The following RPS6KC1 variants were observed in gnomAD, a reference collection of about 807,000 sequenced individuals.
The protein encoded by RPS6KC1 is ribosomal protein S6 kinase C1, also known as inactive ribosomal protein S6 kinase delta-1.
A neutral mutation model predicts 103.8 loss-of-function variants in RPS6KC1; 54 were observed. That is an observed-to-expected ratio of 0.52 (90% CI 0.42 to 0.65). The LOEUF (loss-of-function observed/expected upper bound fraction) is 0.65. RPS6KC1 is among the 30% of genes least tolerant of loss of function. The pLI is 0.00. For missense variants in RPS6KC1, 1,151 were observed against 1,253.8 expected, an observed-to-expected ratio of 0.92 and a Z score of 1.24; for synonymous variants, 439 against 438.7, an observed-to-expected ratio of 1.00 and a Z score of -0.01.
At chr1:213,103,389 G>A (rs916773766) in intron 3 of RPS6KC1, among the ~76,000 whole-genome samples, 1 of 152,138 alleles carries the variant, frequency 6.6e-6, no homozygotes, top group African/African-American at 2.4e-5. Context: ...TATGTGCCTC[G>A]CATGAAACTG....
At chr1:213,862,328 A>G in the RPS6KC1 span, among the ~76,000 whole-genome samples, 1 of 152,174 alleles carries the variant, frequency 6.6e-6, no homozygotes, top group Non-Finnish European at 1.5e-5. Context: ...TTTACCAAGG[A>G]GACCTTCCTC....
chr1:213,533,767 C>T, the RPS6KC1 span, among the ~76,000 whole-genome samples: 1 of 152,338 alleles, frequency 6.6e-6, no homozygotes, highest in Non-Finnish European at 1.5e-5. Context: ...TCTGAAATTA[C>T]ATGTGGGGCT....
At chr1:213,563,690 G>C in the RPS6KC1 span, among the ~76,000 whole-genome samples, 10 of 151,930 alleles carry the variant, frequency 6.6e-5, no homozygotes, top group Admixed American at 5.9e-4. Context: ...ACATTTCCAG[G>C]GAGTACCAAT....
the RPS6KC1 span, among the ~76,000 whole-genome samples, chr1:213,673,197 C>T: frequency 6.6e-6 from 1 of 152,148 alleles, no homozygotes; most frequent in Non-Finnish European, 1.5e-5. Context: ...GTGAGATGTC[C>T]CACACTATTA....
the RPS6KC1 span, among the ~76,000 whole-genome samples, chr1:213,781,052 A>C: frequency 6.6e-6 from 1 of 152,126 alleles, no homozygotes; most frequent in African/African-American, 2.4e-5. Context: ...AAACAAACAA[A>C]AAATAATCTC....
chr1:213,094,369 C>T (rs2081266887), intron 3 of RPS6KC1, among the ~76,000 whole-genome samples: 1 of 151,736 alleles, frequency 6.6e-6, no homozygotes, highest in South Asian at 2.1e-4. Flanking sequence ...TGTAGTTGTC[C>T]TTGAAATGTC....
At chr1:213,435,854 C>T in the RPS6KC1 span, among the ~76,000 whole-genome samples, 3 of 152,174 alleles carry the variant, frequency 2.0e-5, no homozygotes, top group African/African-American at 7.2e-5. Flanking sequence ...CCCCAGCCCC[C>T]ACCCCTGTAC....
chr1:213,205,921 A>G (rs1001631455), intron 8 of RPS6KC1, among the ~76,000 whole-genome samples: 1 of 152,130 alleles, frequency 6.6e-6, no homozygotes, highest in African/African-American at 2.4e-5. Context: ...AAATCCAAAA[A>G]TCCCAAATCT....
chr1:213,674,159 C>T, the RPS6KC1 span, among the ~76,000 whole-genome samples: 1 of 152,178 alleles, frequency 6.6e-6, no homozygotes. Context: ...GCTGGGACTA[C>T]AGGTACATGC....
At chr1:213,579,496 C>T in the RPS6KC1 span, among the ~76,000 whole-genome samples, 2 of 152,052 alleles carry the variant, frequency 1.3e-5, no homozygotes, top group African/African-American at 4.8e-5. Flanking sequence ...GCAAGTTATC[C>T]AGAAGATCTA....
the RPS6KC1 span, among the ~76,000 whole-genome samples, chr1:213,696,178 C>G: frequency 0.027 from 4,176 of 152,236 alleles, 258 homozygotes; most frequent in East Asian, 0.16. Context: ...GTCTGCCTTC[C>G]TTGATTACTG....
At chr1:213,751,717 T>C in the RPS6KC1 span, among the ~76,000 whole-genome samples, 3 of 152,162 alleles carry the variant, frequency 2.0e-5, no homozygotes, top group Non-Finnish European at 4.4e-5. Flanking sequence ...TGGTCACTGT[T>C]GTTAGTTTGG....
chr1:213,055,210 G>A (rs888661465), intron 1 of RPS6KC1, among the ~76,000 whole-genome samples: 5 of 152,118 alleles, frequency 3.3e-5, no homozygotes, highest in Admixed American at 2.0e-4. Flanking sequence ...TTCCTTTGCA[G>A]TCAGTCACTC....
the RPS6KC1 span, among the ~76,000 whole-genome samples, chr1:213,826,020 T>C: frequency 6.6e-6 from 1 of 152,240 alleles, no homozygotes; most frequent in African/African-American, 2.4e-5. Context: ...ATTAGATCAA[T>C]GACAGATGAT....
At chr1:213,056,999 G>T (rs2077383154) in intron 1 of RPS6KC1, among the ~76,000 whole-genome samples, 1 of 152,018 alleles carries the variant, frequency 6.6e-6, no homozygotes, top group Non-Finnish European at 1.5e-5. Context: ...GAGTGTAGTG[G>T]AACGATCACG....
intron 8 of RPS6KC1, among the ~76,000 whole-genome samples, chr1:213,185,093 C>A (rs1407564298): frequency 6.6e-6 from 1 of 152,050 alleles, no homozygotes; most frequent in East Asian, 1.9e-4. Flanking sequence ...GAGTCTGCTA[C>A]TATTATTGTA....
the RPS6KC1 span, among the ~76,000 whole-genome samples, chr1:213,564,629 A>G: frequency 6.6e-6 from 1 of 152,174 alleles, no homozygotes; most frequent in Non-Finnish European, 1.5e-5. Flanking sequence ...AACAGGCACC[A>G]TGTTCCTATG....
chr1:213,529,256 G>A, the RPS6KC1 span, among the ~76,000 whole-genome samples: 3 of 152,106 alleles, frequency 2.0e-5, no homozygotes, highest in Admixed American at 6.6e-5. Context: ...AGGCAAAGAA[G>A]GAAGAACAAT....
At chr1:213,489,070 C>A in the RPS6KC1 span, among the ~76,000 whole-genome samples, 1 of 152,132 alleles carries the variant, frequency 6.6e-6, no homozygotes, top group Non-Finnish European at 1.5e-5. Context: ...TTTTAGGGAT[C>A]CTGAGCTCTA....
Sources: gnomAD v4.1 joint callset for allele counts (sites outside exome capture counted in the v4.1 genomes callset) on GRCh38, gnomAD v4.1.1 for gene constraint, MANE v1.5 for transcripts, NCBI Gene and HGNC (gene_info 2026-07-23, HGNC 2026-07-21) for gene names.